HEPACAM2: variants seen among roughly 807,000 people sequenced by gnomAD.
The protein encoded by HEPACAM2 is mitotic kinetics regulator.
In HEPACAM2, 49 loss-of-function variants were observed where a neutral mutation model predicts 49.6. That is an observed-to-expected ratio of 0.99 (90% confidence interval 0.78 to 1.25). HEPACAM2 has a LOEUF of 1.25. Ranked by LOEUF, HEPACAM2 falls within the 50% of genes most tolerant of loss-of-function variation. The probability of loss-of-function intolerance (pLI) is 0.00; values close to 1 mark genes in which losing one functional copy is unlikely to be tolerated. For synonymous variants in HEPACAM2, 197 were observed against 202.9 expected, an observed-to-expected ratio of 0.97 and a Z score of 0.25; for missense variants, 525 against 557.2, an observed-to-expected ratio of 0.94 and a Z score of 0.58.
rs1562817202 is a variant in HEPACAM2, at chr7:93,188,997, C to T, written c.*270G>A. On this transcript the variant is annotated 3_prime_UTR_variant, in exon 10 of 10. Coordinates refer to ENST00000394468, the MANE Select transcript of HEPACAM2 (RefSeq NM_001039372.4). The stretch of plus-strand genomic sequence containing the variant: ...AAAACTTATGAGGAAACCCCTGTCA[C>T]TTTCGTTCTCCCCGTCAGCATGAGA... 2 of 457,424 alleles carry T rather than the reference C, an allele frequency of 4.4e-6. No individual in the cohort carries two copies. The highest frequency in any genetic ancestry group is 7.7e-6 in the Non-Finnish European group (2 of 259,542). The allele number at this position is 457,424 out of a possible 1,614,324, so 28.3% of individuals were successfully genotyped here. A position where few individuals can be genotyped will look rare whatever the true frequency, so the allele number is the denominator to read the frequency against.
chr7:93,225,835 C>T (rs774174103), intron 1 of HEPACAM2: 19 of 808,704 alleles, frequency 2.3e-5, no homozygotes, highest in Non-Finnish European at 3.2e-5. Context: ...TTTTCAAATA[C>T]GTTCTCCCTT....
chr7:93,219,544 C>A (rs766091916), intron 1 of HEPACAM2, 93 bp from the exon 2 acceptor site: 1 of 1,566,836 alleles, frequency 6.4e-7, no homozygotes, highest in Non-Finnish European at 8.6e-7. Flanking sequence ...AGGTGATAAT[C>A]CTTTTCAAAG....
intron 3 of HEPACAM2, among the ~76,000 whole-genome samples, chr7:93,212,703 T>C (rs186725840): frequency 2.0e-5 from 3 of 152,216 alleles, no homozygotes; most frequent in Admixed American, 1.3e-4. Flanking sequence ...ACACTCTACA[T>C]GTTGCTTACA....
At chr7:93,222,995 G>A (rs1451568533) in intron 1 of HEPACAM2, among the ~76,000 whole-genome samples, 1 of 152,188 alleles carries the variant, frequency 6.6e-6, no homozygotes, top group Non-Finnish European at 1.5e-5. Context: ...ATGGAAGTCT[G>A]TATAATTGCC....
chr7:93,230,937 T>C (rs530385444), upstream of HEPACAM2, among the ~76,000 whole-genome samples: 3 of 152,346 alleles, frequency 2.0e-5, no homozygotes, highest in Admixed American at 2.0e-4. Context: ...ACCTCATAAT[T>C]GTATAGTGCT....
At position 93,197,611 on chromosome 7, in the gene HEPACAM2, C is replaced by A; in HGVS notation, c.1013-1G>T. 1 of 1,559,454 alleles carries A rather than the reference C, an allele frequency of 6.4e-7. No homozygotes were observed. The highest frequency in any genetic ancestry group is 2.3e-5 in the East Asian group (1 of 44,238). The stretch of plus-strand genomic sequence containing the variant: ...CCTTTCTGTGCAAGCTTCTCCAGTC[C>A]TAAATAAAAAGATAAACATATTTTT... On this transcript the variant is annotated splice_acceptor_variant, in intron 4 of 9. Transcript: ENST00000394468. LOFTEE classifies it high-confidence loss of function.
chr7:93,200,479 G>T (rs1351535227), intron 4 of HEPACAM2, among the ~76,000 whole-genome samples: 1 of 152,052 alleles, frequency 6.6e-6, no homozygotes, highest in Non-Finnish European at 1.5e-5. Flanking sequence ...TCTACATAAA[G>T]ATCCCAAACA....
chr7:93,225,913 ATAACT>A (rs1478210847), intron 1 of HEPACAM2: 12 of 1,434,994 alleles, frequency 8.4e-6, no homozygotes, highest in African/African-American at 2.9e-5. Context: ...GATGAGACAG[ATAACT>A]TAAAACGAAG....
intron 4 of HEPACAM2, among the ~76,000 whole-genome samples, chr7:93,201,080 C>T (rs1165446994): frequency 6.6e-6 from 1 of 152,224 alleles, no homozygotes; most frequent in East Asian, 1.9e-4. Flanking sequence ...AAACTGCACA[C>T]ACACAGTGGC....
chr7:93,199,873 A>G (rs1308705688), intron 4 of HEPACAM2, among the ~76,000 whole-genome samples: 7 of 152,046 alleles, frequency 4.6e-5, no homozygotes, highest in African/African-American at 1.7e-4. Context: ...ATTATCATTA[A>G]GTCCAAAATG....
chr7:93,230,846 T>G (rs529811212), upstream of HEPACAM2, among the ~76,000 whole-genome samples: 2 of 152,324 alleles, frequency 1.3e-5, no homozygotes, highest in South Asian at 2.1e-4. Context: ...TTCAAAGGAA[T>G]TGCTGAACGC....
chr7:93,200,219 C>A (rs532759782), intron 4 of HEPACAM2, among the ~76,000 whole-genome samples: 231 of 151,860 alleles, frequency 1.5e-3, no homozygotes, highest in African/African-American at 4.5e-3. Flanking sequence ...TGATTTTTTT[C>A]GGTCAATTTT....
At chr7:93,226,273 G>C (rs1794537347) in intron 1 of HEPACAM2, 95 bp downstream of exon 1, 1 of 804,070 alleles carries the variant, frequency 1.2e-6, no homozygotes, top group African/African-American at 1.7e-5. Context: ...TTATCTGAAT[G>C]CATCTACAGC....
intron 8 of HEPACAM2, among the ~76,000 whole-genome samples, chr7:93,193,024 C>T (rs1793596287): frequency 6.6e-6 from 1 of 152,002 alleles, no homozygotes; most frequent in African/African-American, 2.4e-5. Context: ...TTCATAACTT[C>T]CTTCTTCCTA....
At chr7:93,224,633 A>G (rs1794507810) in intron 1 of HEPACAM2, among the ~76,000 whole-genome samples, 1 of 152,196 alleles carries the variant, frequency 6.6e-6, no homozygotes, top group African/African-American at 2.4e-5. Context: ...TGTAGAATTT[A>G]TCTATATTCC....
intron 1 of HEPACAM2, 88 bp downstream of exon 1, chr7:93,226,280 C>A: frequency 3.2e-6 from 3 of 931,138 alleles, no homozygotes; most frequent in Non-Finnish European, 3.4e-6. Context: ...AATGCATCTA[C>A]AGCCTAAAGC....
At chr7:93,197,457 CAAT>C in intron 5 of HEPACAM2, 25 bp downstream of exon 5, 3 of 1,577,112 alleles carry the variant, frequency 1.9e-6, no homozygotes, top group Non-Finnish European at 2.6e-6. Context: ...TATACAGCTT[CAAT>C]TTTTTTTTTG....
upstream of HEPACAM2, among the ~76,000 whole-genome samples, chr7:93,231,271 T>C (rs539322471): frequency 1.1e-3 from 168 of 152,282 alleles, no homozygotes; most frequent in African/African-American, 3.9e-3. Context: ...GTCATACTTT[T>C]AGAAGTTAAC....
intron 4 of HEPACAM2, among the ~76,000 whole-genome samples, chr7:93,200,667 C>T (rs1488888122): frequency 6.6e-6 from 1 of 152,068 alleles, no homozygotes; most frequent in Non-Finnish European, 1.5e-5. Flanking sequence ...GTAAAAAGCA[C>T]CTCCTAGCAT....
Sources: allele counts gnomAD v4.1 joint callset (sites outside exome capture counted in the v4.1 genomes callset), GRCh38; gene constraint gnomAD v4.1.1; transcripts MANE v1.5; gene names NCBI Gene and HGNC (gene_info 2026-07-23, HGNC 2026-07-21).